Variants in COMMD1 observed in about 807,000 individuals in gnomAD.
The protein encoded by COMMD1 is copper metabolism domain containing 1, also known as COMM domain-containing protein 1.
Under a neutral mutation model 17.2 loss-of-function variants are expected in COMMD1, and 10 were observed. The observed-to-expected ratio is 0.58, with a 90% CI of 0.36 to 0.99. The LOEUF (loss-of-function observed/expected upper bound fraction) is 0.99. COMMD1 is among the 50% of genes least tolerant of loss of function. The pLI, the probability that COMMD1 is intolerant of heterozygous loss-of-function variation, is 0.01. For synonymous variants in COMMD1, 97 were observed against 91.6 expected (o/e 1.06, Z -0.34); for missense variants, 270 against 231.8 (o/e 1.17, Z -1.07).
chr2:61,898,137 C>T (rs1354619149), intron 1 of COMMD1, among the ~76,000 whole-genome samples: 2 of 152,160 alleles, frequency 1.3e-5, no homozygotes, highest in African/African-American at 2.4e-5. Flanking sequence ...TCATTCATTT[C>T]TGTATCTCCT....
chr2:61,894,207 C>G (rs756286759), intron 1 of COMMD1, among the ~76,000 whole-genome samples: 3 of 152,156 alleles, frequency 2.0e-5, no homozygotes, highest in Non-Finnish European at 2.9e-5. Flanking sequence ...TAAATGGATT[C>G]TCCTGTCTCA....
chr2:61,958,696 T>C (rs1671261135), intron 1 of COMMD1, among the ~76,000 whole-genome samples: 1 of 152,224 alleles, frequency 6.6e-6, no homozygotes, highest in Admixed American at 6.5e-5. Flanking sequence ...GCTGTCAGAA[T>C]GTGTTAGATC....
intron 2 of COMMD1, among the ~76,000 whole-genome samples, chr2:62,067,545 A>T (rs1290747710): frequency 6.6e-6 from 1 of 152,244 alleles, no homozygotes; most frequent in Non-Finnish European, 1.5e-5. Context: ...TTTATTTAAT[A>T]TTAGTTTTAC....
At chr2:61,910,493 C>G (rs1193360981) in intron 1 of COMMD1, among the ~76,000 whole-genome samples, 1 of 152,140 alleles carries the variant, frequency 6.6e-6, no homozygotes, top group African/African-American at 2.4e-5. Flanking sequence ...GCAGTCCACC[C>G]TCCTTGGCGT....
intron 2 of COMMD1, among the ~76,000 whole-genome samples, chr2:62,083,378 C>T (rs999654191): frequency 3.9e-5 from 6 of 152,246 alleles, no homozygotes; most frequent in Middle Eastern, 3.4e-3. Context: ...CCACAGATTA[C>T]GTGAAAATGA....
chr2:62,103,535 G>A (rs1672244575), intron 2 of COMMD1, among the ~76,000 whole-genome samples: 1 of 152,198 alleles, frequency 6.6e-6, no homozygotes, highest in Non-Finnish European at 1.5e-5. Flanking sequence ...TATTTTAGGT[G>A]TAGACCGTAT....
chr2:62,098,660 T>C (rs1350346043), intron 2 of COMMD1, among the ~76,000 whole-genome samples: 2 of 152,260 alleles, frequency 1.3e-5, no homozygotes, highest in Non-Finnish European at 2.9e-5. Context: ...ACAATTTTGT[T>C]TGGGCGTATT....
intron 1 of COMMD1, among the ~76,000 whole-genome samples, chr2:61,971,873 C>T (rs923413668): frequency 6.6e-6 from 1 of 152,066 alleles, no homozygotes; most frequent in African/African-American, 2.4e-5. Flanking sequence ...GTAATCCCAG[C>T]ACTTTGGTTG....
chr2:62,066,811 C>T (rs977190502), intron 2 of COMMD1, among the ~76,000 whole-genome samples: 2 of 151,888 alleles, frequency 1.3e-5, no homozygotes, highest in South Asian at 4.2e-4. Context: ...CTGCAACCTC[C>T]ACCTCCTGGG....
At chr2:62,112,855 C>T (rs1672491942) in intron 2 of COMMD1, among the ~76,000 whole-genome samples, 1 of 151,978 alleles carries the variant, frequency 6.6e-6, no homozygotes, top group African/African-American at 2.4e-5. Context: ...GGAGAAGGCT[C>T]ACTTCCTGAT....
chr2:61,897,865 C>G (rs954371556), intron 1 of COMMD1, among the ~76,000 whole-genome samples: 3 of 152,142 alleles, frequency 2.0e-5, no homozygotes, highest in African/African-American at 7.2e-5. Flanking sequence ...TCTTGCTATA[C>G]TATTTACAGA....
rs771843431 is a variant in COMMD1, at chr2:62,085,100, C to G, written c.463-50731C>G. On this transcript the variant is annotated intron_variant, in intron 2 of 2. Coordinates refer to ENST00000311832, the MANE Select transcript of COMMD1 (RefSeq NM_152516.4). ...TTGTGGTCTTTAAAGAGGTTAGAAT[C>G]TCTTTCACATAGAGTTAAAATCAAA... Among the ~76,000 whole-genome samples the G allele has an allele frequency of 2.6e-5, 4 of 152,140 alleles. No homozygotes were observed. The South Asian group carries it at 8.3e-4, about 31-fold the overall frequency.
intron 1 of COMMD1, among the ~76,000 whole-genome samples, chr2:61,969,763 G>A (rs1387439546): frequency 2.0e-5 from 3 of 152,152 alleles, no homozygotes; most frequent in African/African-American, 7.2e-5. Context: ...AGTGACTGGA[G>A]AAGCAAATAT....
At chr2:62,110,219 A>G (rs1672420658) in intron 2 of COMMD1, among the ~76,000 whole-genome samples, 1 of 151,996 alleles carries the variant, frequency 6.6e-6, no homozygotes, top group Non-Finnish European at 1.5e-5. Context: ...ACAGGGGTGC[A>G]CCAACATGCC....
intron 1 of COMMD1, among the ~76,000 whole-genome samples, chr2:61,984,948 T>G (rs1672062375): frequency 6.6e-6 from 1 of 152,100 alleles, no homozygotes; most frequent in African/African-American, 2.4e-5. Flanking sequence ...GAAATCCATT[T>G]TATCTGATAT....
chr2:62,099,565 A>ATC lies in COMMD1; in HGVS notation c.463-36258_463-36257dup, dbSNP rs565470041. Among the ~76,000 whole-genome samples the ATC allele has an allele frequency of 2.7e-3, 400 of 148,352 alleles. 1 individual carries two copies. Among genetic ancestry groups the ATC allele is most frequent in the African/African-American group, 9.4e-3 (380 of 40,454 alleles). On this transcript the variant is annotated intron_variant, in intron 2 of 2. Coordinates refer to ENST00000311832, the MANE Select transcript of COMMD1 (RefSeq NM_152516.4). ...CTCTCTTTTGGAGGGTTTATTTGCTATCTCTCTCTTTTTTTTTTTTTTAAG... is the reference window on the plus strand; with the variant it reads ...CTCTCTTTTGGAGGGTTTATTTGCTATCTCTCTCTCTTTTTTTTTTTTTTAAG...
chr2:61,906,842 G>A (rs190009895), intron 1 of COMMD1, among the ~76,000 whole-genome samples: 261 of 152,258 alleles, frequency 1.7e-3, no homozygotes, highest in Non-Finnish European at 2.1e-3. Context: ...ATTAAAGTCA[G>A]TGTTGAAATT....
At position 62,020,249 on chromosome 2, in the gene COMMD1, A is replaced by G. The variant is rs117851062; in HGVS notation, c.462+19267A>G. The stretch of plus-strand genomic sequence containing the variant: ...ACATTCTTGTTCAAACAGAGGGAAA[A>G]TGTTGGTACAAAGGTGTCGTTACGT... On this transcript the variant is annotated intron_variant, in intron 2 of 2. Transcript: ENST00000311832. 1.4e-4 allele frequency among the ~76,000 whole-genome samples: 22 copies of G among 152,356 alleles called. No homozygotes were observed. The East Asian group carries it at 4.2e-3, about 29-fold the overall frequency.
intron 2 of COMMD1, among the ~76,000 whole-genome samples, chr2:62,067,409 C>G (rs1320215757): frequency 6.6e-6 from 1 of 152,070 alleles, no homozygotes; most frequent in Non-Finnish European, 1.5e-5. Flanking sequence ...CTTTAACACT[C>G]TTTTGTTGTT....
Sources: gnomAD v4.1 joint callset for allele counts (sites outside exome capture counted in the v4.1 genomes callset) on GRCh38, gnomAD v4.1.1 for gene constraint, MANE v1.5 for transcripts, NCBI Gene and HGNC (gene_info 2026-07-23, HGNC 2026-07-21) for gene names.